The following HIP1 variants were observed in gnomAD, a reference collection of about 807,000 sequenced individuals.
The protein encoded by HIP1 is huntingtin interacting protein 1, also known as huntingtin-interacting protein 1.
HIP1 carries 65 observed loss-of-function variants against 147.6 expected under a neutral mutation model. The observed-to-expected ratio is 0.44, with a 90% CI of 0.36 to 0.54. The LOEUF (loss-of-function observed/expected upper bound fraction) is 0.54. Ranked by LOEUF, HIP1 falls within the 20% of genes least tolerant of loss-of-function variation. HIP1 has a pLI of 0.00. For missense variants in HIP1, 1,061 were observed against 1,299.6 expected, an observed-to-expected ratio of 0.82 and a Z score of 2.82; for synonymous variants, 479 against 504.0, an observed-to-expected ratio of 0.95 and a Z score of 0.67.
At chr7:75,688,468 G>T (rs1800339608) in intron 1 of HIP1, among the ~76,000 whole-genome samples, 2 of 152,056 alleles carry the variant, frequency 1.3e-5, no homozygotes, top group South Asian at 4.1e-4. Context: ...CTCGACGGGT[G>T]GGGGACGGGC....
At chr7:75,633,585 C>T (rs1019907598) in intron 1 of HIP1, among the ~76,000 whole-genome samples, 1 of 152,184 alleles carries the variant, frequency 6.6e-6, no homozygotes, top group African/African-American at 2.4e-5. Context: ...AGCCACCGCG[C>T]ACCTGGCCTA....
rs1473876218 is a variant in HIP1, at chr7:75,557,404, CAA to C, written c.1581+248_1581+249del. Among the ~76,000 whole-genome samples, 3 of 152,260 alleles carry C rather than the reference CAA, an allele frequency of 2.0e-5. No individual in the cohort carries two copies. The East Asian group carries it at 5.8e-4, about 29-fold the overall frequency. On this transcript the variant is annotated intron_variant, in intron 16 of 30. Coordinates refer to ENST00000336926, the MANE Select transcript of HIP1 (RefSeq NM_005338.7). ...TGCCACCCATGTGTTTTCCTTTCCT[CAA>C]ACTCTCCACCAGCCTCATCCTTGGA...
At chr7:75,678,101 T>C (rs1435334522) in intron 1 of HIP1, among the ~76,000 whole-genome samples, 1 of 152,240 alleles carries the variant, frequency 6.6e-6, no homozygotes, top group East Asian at 1.9e-4. Context: ...CTACATTCTA[T>C]GAGGATGGAC....
At chr7:75,631,140 A>AT (rs11423074) in intron 1 of HIP1, among the ~76,000 whole-genome samples, 26,600 of 147,848 alleles carry the variant, frequency 0.18, 2,794 homozygotes, top group Non-Finnish European at 0.25. Context: ...TGTTTTTTAA[A>AT]TTTTTTTTTT....
chr7:75,673,958 C>T (rs919533825), intron 1 of HIP1, among the ~76,000 whole-genome samples: 2 of 151,790 alleles, frequency 1.3e-5, no homozygotes, highest in African/African-American at 4.8e-5. Flanking sequence ...TGCACTCCAG[C>T]CCAGATGACA....
chr7:75,723,870 G>A (rs1027309210), intron 1 of HIP1, among the ~76,000 whole-genome samples: 4 of 151,972 alleles, frequency 2.6e-5, no homozygotes, highest in African/African-American at 4.8e-5. Context: ...CCACCTCAGC[G>A]TCCCAAGTAG....
chr7:75,614,911 T>C (rs955145994), intron 1 of HIP1, among the ~76,000 whole-genome samples: 10 of 152,076 alleles, frequency 6.6e-5, no homozygotes, highest in African/African-American at 2.2e-4. Flanking sequence ...TAGCTGGGAT[T>C]ACAGGCACCC....
intron 1 of HIP1, 107 bp downstream of exon 1, chr7:75,738,694 C>A: frequency 1.5e-6 from 2 of 1,334,012 alleles, no homozygotes; most frequent in South Asian, 1.3e-5. Context: ...ACACCCTCGC[C>A]CCGTCTTCAA....
chr7:75,669,366 C>G (rs1443011909), intron 1 of HIP1, among the ~76,000 whole-genome samples: 3 of 151,906 alleles, frequency 2.0e-5, no homozygotes, highest in African/African-American at 7.3e-5. Flanking sequence ...GAGCGAGACT[C>G]CATCTCAAAA....
At chr7:75,666,782 G>A (rs1799573936) in intron 1 of HIP1, among the ~76,000 whole-genome samples, 1 of 152,144 alleles carries the variant, frequency 6.6e-6, no homozygotes, top group Non-Finnish European at 1.5e-5. Context: ...TGGGACCAGA[G>A]GAAAGAAACT....
intron 14 of HIP1, among the ~76,000 whole-genome samples, chr7:75,558,754 C>T (rs1469159388): frequency 6.6e-6 from 1 of 152,200 alleles, no homozygotes; most frequent in Admixed American, 6.5e-5. Flanking sequence ...CGAGGTGGCT[C>T]ATGCCTATAA....
intron 2 of HIP1, among the ~76,000 whole-genome samples, chr7:75,595,635 T>C (rs57776864): frequency 0.46 from 70,356 of 151,884 alleles, 19,266 homozygotes; most frequent in African/African-American, 0.77. Flanking sequence ...TGAGCCACTG[T>C]GCCTGGCCTT....
intron 8 of HIP1, among the ~76,000 whole-genome samples, chr7:75,572,132 A>C (rs1466798889): frequency 6.6e-6 from 1 of 151,934 alleles, no homozygotes; most frequent in Non-Finnish European, 1.5e-5. Context: ...GCTAAGGCAC[A>C]AGAATTGCTT....
At chr7:75,679,140 C>T (rs1799984242) in intron 1 of HIP1, among the ~76,000 whole-genome samples, 1 of 152,220 alleles carries the variant, frequency 6.6e-6, no homozygotes, top group South Asian at 2.1e-4. Flanking sequence ...TCTTGAAACA[C>T]TTGTCTTCAC....
chr7:75,685,779 C>A (rs1584950093), intron 1 of HIP1, among the ~76,000 whole-genome samples: 1 of 152,038 alleles, frequency 6.6e-6, no homozygotes, highest in Non-Finnish European at 1.5e-5. Flanking sequence ...GAACTCCTGA[C>A]CTCAGGTGAT....
At chr7:75,704,857 G>A (rs1800942368) in intron 1 of HIP1, among the ~76,000 whole-genome samples, 1 of 152,212 alleles carries the variant, frequency 6.6e-6, no homozygotes, top group African/African-American at 2.4e-5. Flanking sequence ...ACAGGCATGA[G>A]CCACTGCACC....
At chr7:75,539,689 C>T (rs115809266) in intron 29 of HIP1, among the ~76,000 whole-genome samples, 1,625 of 152,172 alleles carry the variant, frequency 0.011, 26 homozygotes, top group African/African-American at 0.036. Context: ...TATTATTCAC[C>T]GTTTCCATAC....
At chr7:75,684,900 G>A (rs751996197) in intron 1 of HIP1, among the ~76,000 whole-genome samples, 28 of 151,958 alleles carry the variant, frequency 1.8e-4, no homozygotes, top group Non-Finnish European at 3.7e-4. Context: ...GACCATCCTG[G>A]CTAACATGGT....
Position 75,539,318 on chromosome 7 carries a change from C to G in HIP1, c.3061+5G>C. 6.2e-7 allele frequency: 1 copy of G among 1,611,470 alleles called. No individual in the cohort carries two copies. Among genetic ancestry groups the G allele is most frequent in the East Asian group, 2.2e-5 (1 of 44,850 alleles). On this transcript the variant is annotated splice_donor_5th_base_variant and intron_variant, in intron 30 of 30. Coordinates refer to ENST00000336926, the MANE Select transcript of HIP1 (RefSeq NM_005338.7). Reference sequence around the variant, plus strand: ...GGTTAGTGCCCATCCTTGGAGTCAGCTTACCTTCTTCCCAGCCCTCAGCAA... The same window carrying G: ...GGTTAGTGCCCATCCTTGGAGTCAGGTTACCTTCTTCCCAGCCCTCAGCAA...
Sources: allele counts gnomAD v4.1 joint callset (sites outside exome capture counted in the v4.1 genomes callset), GRCh38; gene constraint gnomAD v4.1.1; transcripts MANE v1.5; gene names NCBI Gene and HGNC (gene_info 2026-07-23, HGNC 2026-07-21).